MOK: variants seen among roughly 807,000 people sequenced by gnomAD.
The protein encoded by MOK is MAPK/MAK/MRK overlapping kinase.
Under a neutral mutation model 54.2 loss-of-function variants are expected in MOK, and 59 were observed. That is an observed-to-expected ratio of 1.09 (90% CI 0.88 to 1.35). MOK has a LOEUF of 1.35. Ranked by LOEUF, MOK falls within the 40% of genes most tolerant of loss-of-function variation. The probability of loss-of-function intolerance (pLI) is 0.00; values close to 1 mark genes in which losing one functional copy is unlikely to be tolerated. For synonymous variants in MOK, 210 were observed against 202.7 expected (o/e 1.04, Z -0.31); for missense variants, 517 against 526.2 (o/e 0.98, Z 0.17).
At chr14:102,287,139 G>C (rs2153177079) in intron 1 of MOK, among the ~76,000 whole-genome samples, 1 of 152,290 alleles carries the variant, frequency 6.6e-6, no homozygotes, top group Non-Finnish European at 1.5e-5. Context: ...GGGGAAAATG[G>C]TAAAATGCTG....
intron 8 of MOK, chr14:102,233,418 C>T (rs1363868819): frequency 4.8e-6 from 2 of 420,742 alleles, no homozygotes; most frequent in African/African-American, 4.0e-5. Context: ...GTTTAAATTA[C>T]TCAGGGAACA....
rs576290029 is a variant in MOK at position 102,300,771 on chromosome 14, T to C, written c.7+4191A>G. On this transcript the variant is annotated intron_variant, in intron 1 of 11. Coordinates refer to ENST00000361847, the MANE Select transcript of MOK (RefSeq NM_014226.3). ...TGATTTCACTTAATCTTTGAAACAA[T>C]GCTATGTGATTGGTATTATCATCCC... 1.3e-4 allele frequency among the ~76,000 whole-genome samples: 20 copies of C among 152,280 alleles called. No individual in the cohort carries two copies. In the South Asian group the frequency reaches 4.1e-3, roughly 32 times the overall value.
At chr14:102,270,461 G>A (rs2068261271) in intron 2 of MOK, among the ~76,000 whole-genome samples, 1 of 152,056 alleles carries the variant, frequency 6.6e-6, no homozygotes, top group Non-Finnish European at 1.5e-5. Flanking sequence ...TTAGCCAAGC[G>A]TGGTGGCAGG....
chr14:102,303,569 CAT>C (rs1045332446), intron 1 of MOK, among the ~76,000 whole-genome samples: 7 of 152,314 alleles, frequency 4.6e-5, no homozygotes, highest in African/African-American at 1.4e-4. Context: ...AACTATAACA[CAT>C]GTTATTGGGA....
In MOK at chr14:102,240,225, T is replaced by C. The variant is rs1348399581; in HGVS notation, c.591-6436A>G. On this transcript the variant is annotated intron_variant, in intron 7 of 11. Transcript: ENST00000361847. The surrounding 1 kb of genome is among the most constrained non-coding windows in gnomAD (Gnocchi z 5.4). ...CACCCCTATCTCCCTTTGCTGACTC[T>C]GTTTTCGGACTCAGCCCGCCTGCAC... Among the ~76,000 whole-genome samples the C allele has an allele frequency of 1.3e-5, 2 of 152,200 alleles. No individual in the cohort carries two copies. Among genetic ancestry groups the C allele is most frequent in the Non-Finnish European group, 2.9e-5 (2 of 68,032 alleles).
intron 2 of MOK, among the ~76,000 whole-genome samples, chr14:102,281,323 CAA>C (rs552091844): frequency 8.6e-5 from 11 of 127,650 alleles, no homozygotes; most frequent in Admixed American, 8.1e-5. Flanking sequence ...GACTCTGTCT[CAA>C]AAAAAAAAAA....
At chr14:102,284,394 T>C (rs1002252457) in intron 1 of MOK, among the ~76,000 whole-genome samples, 4 of 152,148 alleles carry the variant, frequency 2.6e-5, no homozygotes, top group East Asian at 3.9e-4. Context: ...CTGAGCCTGC[T>C]GGCCTAAGGA....
Position 102,232,833 on chromosome 14 carries a change from C to G in MOK, c.693-125G>C. The G allele has an allele frequency of 1.3e-6, 1 of 789,486 alleles. No homozygotes were observed. 48.9% of individuals were successfully genotyped at this position (789,486 alleles called of 1,614,324 possible). On this transcript the variant is annotated intron_variant, in intron 8 of 11. Coordinates refer to ENST00000361847, the MANE Select transcript of MOK (RefSeq NM_014226.3). This position sits in a 1 kb window ranked among gnomAD's most constrained non-coding sequence, Gnocchi z 5.1. ...TATGACTGCAGAGTCTACACCTGTC[C>G]CAGCCCACAGAACGTGCACCACCAA...
downstream of MOK, among the ~76,000 whole-genome samples, chr14:102,222,311 G>A (rs1180144073): frequency 1.3e-5 from 2 of 152,224 alleles, no homozygotes; most frequent in East Asian, 1.9e-4. The surrounding 1 kb of genome is among the most constrained non-coding windows in gnomAD (Gnocchi z 4.4). Context: ...GCTACAGCCA[G>A]GGGGTGCCAC....
At chr14:102,247,236 G>C (rs149211824) in intron 7 of MOK, among the ~76,000 whole-genome samples, 1 of 152,214 alleles carries the variant, frequency 6.6e-6, no homozygotes, top group Non-Finnish European at 1.5e-5. Flanking sequence ...CAGAGCAGCA[G>C]CTCTAGCTGG....
At chr14:102,268,745 C>A (rs922303215) in intron 2 of MOK, among the ~76,000 whole-genome samples, 1 of 152,046 alleles carries the variant, frequency 6.6e-6, no homozygotes. Flanking sequence ...GAAACCCCGT[C>A]TCTACTAAAA....
intron 1 of MOK, among the ~76,000 whole-genome samples, chr14:102,299,092 G>A (rs540190115): frequency 2.0e-5 from 3 of 152,248 alleles, no homozygotes; most frequent in Non-Finnish European, 2.9e-5. Flanking sequence ...CTTGAAGTCA[G>A]TGAGACCAAG....
At chr14:102,300,601 G>A (rs1226616139) in intron 1 of MOK, among the ~76,000 whole-genome samples, 2 of 152,164 alleles carry the variant, frequency 1.3e-5, no homozygotes, top group African/African-American at 4.8e-5. Context: ...GACTAGATAA[G>A]GGGAAACTTT....
downstream of MOK, among the ~76,000 whole-genome samples, chr14:102,220,931 C>T (rs113217877): frequency 0.025 from 3,877 of 152,040 alleles, 161 homozygotes; most frequent in African/African-American, 0.089. This position sits in a 1 kb window ranked among gnomAD's most constrained non-coding sequence, Gnocchi z 4.2. Context: ...CCACCACACC[C>T]GGCTAATTTT....
chr14:102,225,032 G>T, downstream of MOK: 1 of 321,410 alleles, frequency 3.1e-6, no homozygotes, highest in South Asian at 2.6e-5. Context: ...GTATTTGGAA[G>T]GCAGAAGGAA....
chr14:102,245,620 C>T lies in MOK; in HGVS notation c.590+5192G>A, dbSNP rs2066032894. On this transcript the variant is annotated intron_variant, in intron 7 of 11. Coordinates refer to ENST00000361847, the MANE Select transcript of MOK (RefSeq NM_014226.3). The surrounding 1 kb of genome is among the most constrained non-coding windows in gnomAD (Gnocchi z 4.3). ...CCCCTTTGACTGTAATTTTCCACTA[C>T]CTACCCAAATCCTCTACAACGGCCC... 6.6e-6 allele frequency among the ~76,000 whole-genome samples: 1 copy of T among 152,110 alleles called. No individual in the cohort carries two copies. The highest frequency in any genetic ancestry group is 6.5e-5 in the Admixed American group (1 of 15,286).
intron 2 of MOK, among the ~76,000 whole-genome samples, chr14:102,276,151 A>G (rs2068842330): frequency 6.6e-6 from 1 of 152,186 alleles, no homozygotes; most frequent in Non-Finnish European, 1.5e-5. Flanking sequence ...CGGTGGGAAT[A>G]TGGAGCAACT....
intron 7 of MOK, 144 bp downstream of exon 7, chr14:102,250,668 T>C (rs1597364911): frequency 2.3e-6 from 2 of 861,500 alleles, no homozygotes; most frequent in East Asian, 5.5e-5. Context: ...GAAAGCCTAG[T>C]CAATTTTCTG....
downstream of MOK, chr14:102,224,889 TTAAAA>T (rs943591805): frequency 1.2e-5 from 5 of 433,742 alleles, 1 homozygote; most frequent in South Asian, 8.3e-5. Context: ...GACCTCTGTA[TTAAAA>T]TAAGATATTA....
Sources: gnomAD v4.1 joint callset for allele counts (sites outside exome capture counted in the v4.1 genomes callset) on GRCh38, gnomAD v4.1.1 for gene constraint, Gnocchi (gnomAD v3.1) non-coding constraint, MANE v1.5 for transcripts, NCBI Gene and HGNC (gene_info 2026-07-23, HGNC 2026-07-21) for gene names.